The following CDH8 variants were observed in gnomAD, a reference collection of about 807,000 sequenced individuals.
CDH8 encodes cadherin-8.
In CDH8, 17 loss-of-function variants were observed where a neutral mutation model predicts 68.1. The observed-to-expected ratio is 0.25, with a 90% CI of 0.17 to 0.37. The LOEUF (loss-of-function observed/expected upper bound fraction) is 0.37, where lower values mean the gene tolerates loss of function less well. Ranked by LOEUF, CDH8 falls within the 10% of genes least tolerant of loss-of-function variation. The pLI, the probability that CDH8 is intolerant of heterozygous loss-of-function variation, is 1.00. For synonymous variants in CDH8, 372 were observed against 365.1 expected (o/e 1.02, Z -0.21); for missense variants, 763 against 999.3 (o/e 0.76, Z 3.19).
At chr16:61,657,697 A>G (rs183787843) in intron 10 of CDH8, among the ~76,000 whole-genome samples, 2 of 152,264 alleles carry the variant, frequency 1.3e-5, no homozygotes, top group African/African-American at 4.8e-5. Flanking sequence ...TCAAAACAAA[A>G]GATAGAATTT....
At chr16:61,807,665 C>G (rs923136922) in intron 7 of CDH8, among the ~76,000 whole-genome samples, 5 of 152,148 alleles carry the variant, frequency 3.3e-5, no homozygotes, top group Non-Finnish European at 7.3e-5. Flanking sequence ...CAGCTATCCA[C>G]TACTTAGGGT....
rs1293512069 is a variant in CDH8 at position 61,650,577 on chromosome 16, G to T, written c.*3031C>A. 2 of 151,860 alleles carry T rather than the reference G, an allele frequency of 1.3e-5. No homozygotes were observed. The highest frequency in any genetic ancestry group is 2.4e-5 in the African/African-American group (1 of 41,338). The allele number at this position is 151,860 out of a possible 1,614,324, so 9.4% of individuals were successfully genotyped here. ...GATACTTAAATCTTAGAAAATGTTA[G>T]GAACCTTATTGATATCTTTTGGTTG... On this transcript the variant is annotated 3_prime_UTR_variant, in exon 12 of 12. Transcript: ENST00000577390.
At chr16:61,836,029 G>A (rs1043076367) in intron 4 of CDH8, among the ~76,000 whole-genome samples, 11 of 151,908 alleles carry the variant, frequency 7.2e-5, no homozygotes, top group Middle Eastern at 3.4e-3. Context: ...AATAGCACCC[G>A]ACATAATTCA....
At chr16:61,960,715 C>A in intron 2 of CDH8, among the ~76,000 whole-genome samples, 1 of 152,190 alleles carries the variant, frequency 6.6e-6, no homozygotes, top group South Asian at 2.1e-4. Context: ...TCCCTCTCGC[C>A]CTTTCTTTCT....
chr16:61,946,321 C>A (rs78055064), intron 2 of CDH8, among the ~76,000 whole-genome samples: 384 of 152,302 alleles, frequency 2.5e-3, no homozygotes, highest in Non-Finnish European at 4.4e-3. Context: ...ACTGGGAACT[C>A]TTTTCTATTT....
At chr16:61,922,869 C>T (rs902954129) in intron 2 of CDH8, among the ~76,000 whole-genome samples, 1 of 152,058 alleles carries the variant, frequency 6.6e-6, no homozygotes, top group Non-Finnish European at 1.5e-5. Context: ...TATTTTTAAA[C>T]TTTATTCTTA....
chr16:61,780,292 G>A (rs1961016209), intron 8 of CDH8, among the ~76,000 whole-genome samples: 3 of 152,160 alleles, frequency 2.0e-5, no homozygotes, highest in Admixed American at 2.0e-4. Flanking sequence ...TTAGCACATG[G>A]ACATCTGCCT....
chr16:61,662,715 ATT>A (rs1963593311), intron 10 of CDH8, among the ~76,000 whole-genome samples: 1 of 151,934 alleles, frequency 6.6e-6, no homozygotes, highest in African/African-American at 2.4e-5. Context: ...TGCATTAGGT[ATT>A]ATAAGTAATC....
rs762046618 is a variant in CDH8 at position 61,821,077 on chromosome 16, A to G, written c.872T>C (p.Leu291Pro). ...YHFSVPEDVVLGTAIGRVKAN... is the reference protein window; with the variant it reads ...YHFSVPEDVVPGTAIGRVKAN... ...CTTCACCCTTCCTATTGCAGTGCCA[A>G]GAACCACATCTTCCGGTACTGAGAA... Residue 291 changes from leucine to proline, a missense_variant, in exon 6 of 12, where the codon CTT becomes CCT. Around this residue, in one of 2 missense-constraint regions of CDH8, gnomAD observed 366 missense variants for 563.1 expected, o/e 0.65. Coordinates refer to ENST00000577390, the MANE Select transcript of CDH8 (RefSeq NM_001796.5). 1 of 1,612,650 alleles carries G rather than the reference A, an allele frequency of 6.2e-7. No homozygotes were observed. Among genetic ancestry groups the G allele is most frequent in the Non-Finnish European group, 8.5e-7 (1 of 1,179,134 alleles).
In CDH8 at chr16:61,647,634, A is replaced by G. The variant is rs1486859772; in HGVS notation, c.*5974T>C. 24 of 553,872 alleles carry G rather than the reference A, an allele frequency of 4.3e-5. No individual in the cohort carries two copies. The highest frequency in any genetic ancestry group is 6.4e-5 in the Non-Finnish European group (20 of 313,162). The allele number at this position is 553,872 out of a possible 1,614,324, so 34.3% of individuals were successfully genotyped here. A position where few individuals can be genotyped will look rare whatever the true frequency, so the allele number is the denominator to read the frequency against. On this transcript the variant is annotated 3_prime_UTR_variant, in exon 12 of 12. Transcript: ENST00000577390. ...CATTTGGCTTTGGGGGGTGATCCCA[A>G]TGACTCCTAAATTGTCATGGTCCAT...
At chr16:61,948,748 A>G (rs117259246) in intron 2 of CDH8, among the ~76,000 whole-genome samples, 1 of 152,202 alleles carries the variant, frequency 6.6e-6, no homozygotes, top group Non-Finnish European at 1.5e-5. Flanking sequence ...TTGTTGGAAC[A>G]GTGTCTTTTT....
chr16:61,688,279 A>G (rs1047103335), intron 10 of CDH8, among the ~76,000 whole-genome samples: 5 of 152,012 alleles, frequency 3.3e-5, no homozygotes, highest in African/African-American at 1.2e-4. Context: ...ACACAAACCA[A>G]ATATGTAACC....
chr16:61,944,431 G>T (rs1168162753), intron 2 of CDH8, among the ~76,000 whole-genome samples: 2 of 152,148 alleles, frequency 1.3e-5, no homozygotes, highest in Non-Finnish European at 2.9e-5. Flanking sequence ...GGGGGAGGTG[G>T]CATTGCCTGT....
intron 10 of CDH8, among the ~76,000 whole-genome samples, chr16:61,685,937 T>C (rs1439279651): frequency 6.6e-6 from 1 of 152,006 alleles, no homozygotes; most frequent in Non-Finnish European, 1.5e-5. Context: ...TAAATTTATT[T>C]ATGGGCGGGA....
intron 2 of CDH8, among the ~76,000 whole-genome samples, chr16:61,922,588 G>T (rs1420207887): frequency 1.3e-5 from 2 of 152,072 alleles, no homozygotes; most frequent in Admixed American, 1.3e-4. Flanking sequence ...ATGTACATGT[G>T]AAAAACTTTT....
At chr16:61,929,821 T>TA (rs1964512112) in intron 2 of CDH8, among the ~76,000 whole-genome samples, 1 of 152,024 alleles carries the variant, frequency 6.6e-6, no homozygotes, top group African/African-American at 2.4e-5. Flanking sequence ...GCCCAGGAGT[T>TA]AGAGGCTGCA....
At chr16:61,960,180 C>T (rs1321410947) in intron 2 of CDH8, among the ~76,000 whole-genome samples, 1 of 90,220 alleles carries the variant, frequency 1.1e-5, no homozygotes, top group Non-Finnish European at 2.2e-5. Flanking sequence ...TACATATATA[C>T]ATATGTGTGT....
chr16:61,807,819 A>G (rs1777844705), intron 7 of CDH8, among the ~76,000 whole-genome samples: 1 of 152,184 alleles, frequency 6.6e-6, no homozygotes, highest in Non-Finnish European at 1.5e-5. Flanking sequence ...AGTTTGGGCC[A>G]AGTTTTGGCT....
At chr16:61,694,710 G>A (rs1964293130) in intron 10 of CDH8, among the ~76,000 whole-genome samples, 1 of 151,982 alleles carries the variant, frequency 6.6e-6, no homozygotes, top group African/African-American at 2.4e-5. Context: ...TAATAATTAG[G>A]AAACATTTAA....
Sources: allele counts gnomAD v4.1 joint callset (sites outside exome capture counted in the v4.1 genomes callset), GRCh38; gene constraint gnomAD v4.1.1; regional missense constraint gnomAD v4.1.1; transcripts MANE v1.5; gene names NCBI Gene and HGNC (gene_info 2026-07-23, HGNC 2026-07-21).